The following MIA2 variants were observed in gnomAD, a reference collection of about 807,000 sequenced individuals.
The protein encoded by MIA2 is MIA SH3 domain ER export factor 2.
A neutral mutation model predicts 167.8 loss-of-function variants in MIA2; 127 were observed. The ratio of observed to expected loss-of-function variants is 0.76; its 90% CI spans 0.66 to 0.88. MIA2 has a LOEUF of 0.88. MIA2 is among the 40% of genes least tolerant of loss of function. MIA2 has a pLI of 0.00. For synonymous variants in MIA2, 552 were observed against 541.9 expected (o/e 1.02, Z -0.26); for missense variants, 1,690 against 1,624.7 (o/e 1.04, Z -0.69).
chr14:39,386,415 C>T, intron 23 of MIA2: 1 of 1,558,458 alleles, frequency 6.4e-7, no homozygotes, highest in Non-Finnish European at 8.8e-7. Context: ...TTGGCTTTAA[C>T]AAGGCTGTTT....
intron 17 of MIA2, among the ~76,000 whole-genome samples, chr14:39,305,989 A>T (rs2063283506): frequency 6.6e-6 from 1 of 151,630 alleles, no homozygotes. Context: ...GTTGGGTTGT[A>T]GTTTTCTTGT....
chr14:39,379,849 CAAAAA>C (rs917989771), intron 23 of MIA2, among the ~76,000 whole-genome samples: 1 of 150,894 alleles, frequency 6.6e-6, no homozygotes, highest in Non-Finnish European at 1.5e-5. Context: ...GACTATGTCT[CAAAAA>C]AAACCCAAAA....
At chr14:39,262,761 T>G (rs2055185566) in intron 6 of MIA2, among the ~76,000 whole-genome samples, 1 of 152,216 alleles carries the variant, frequency 6.6e-6, no homozygotes, top group African/African-American at 2.4e-5. Flanking sequence ...CTAGGTATTT[T>G]ATTCTCTTTG....
At chr14:39,368,005 C>A (rs1321055512) in intron 23 of MIA2, among the ~76,000 whole-genome samples, 1 of 152,046 alleles carries the variant, frequency 6.6e-6, no homozygotes, top group Non-Finnish European at 1.5e-5. Flanking sequence ...TTGTTGGTAA[C>A]CTGATTTTTT....
At chr14:39,292,034 A>G in intron 10 of MIA2, among the ~76,000 whole-genome samples, 1 of 152,318 alleles carries the variant, frequency 6.6e-6, no homozygotes, top group East Asian at 1.9e-4. Flanking sequence ...TATGATTCAG[A>G]ATTTTCTAGT....
intron 6 of MIA2, among the ~76,000 whole-genome samples, chr14:39,262,301 G>C (rs1363250723): frequency 6.6e-6 from 1 of 152,114 alleles, no homozygotes; most frequent in African/African-American, 2.4e-5. Context: ...GTTTTTGTCA[G>C]GTTTGTCAAA....
intron 9 of MIA2, among the ~76,000 whole-genome samples, chr14:39,289,371 C>T (rs1171463954): frequency 2.0e-5 from 3 of 151,932 alleles, no homozygotes; most frequent in African/African-American, 2.4e-5. Context: ...CACGTCACCA[C>T]GCTCGGCTAA....
chr14:39,351,899 G>A (rs566426536), downstream of MIA2, among the ~76,000 whole-genome samples: 65 of 152,194 alleles, frequency 4.3e-4, no homozygotes, highest in Admixed American at 4.6e-4. Context: ...GAGCCACCGC[G>A]CCTGGCCAGT....
At chr14:39,316,377 G>T (rs941078885) in intron 21 of MIA2, among the ~76,000 whole-genome samples, 2 of 152,178 alleles carry the variant, frequency 1.3e-5, no homozygotes, top group Non-Finnish European at 2.9e-5. Flanking sequence ...AATACATGGA[G>T]TTTGGAATTA....
intron 6 of MIA2, among the ~76,000 whole-genome samples, chr14:39,257,830 C>T (rs1325945448): frequency 6.6e-6 from 1 of 152,146 alleles, no homozygotes; most frequent in Non-Finnish European, 1.5e-5. Context: ...CTTTATTTCT[C>T]CTTCACTTTT....
At chr14:39,267,303 G>A in intron 6 of MIA2, 1 of 1,476,954 alleles carries the variant, frequency 6.8e-7, no homozygotes, top group African/African-American at 1.4e-5. Flanking sequence ...GGGTGCCCCT[G>A]TCCCCCAGCT....
intron 10 of MIA2, among the ~76,000 whole-genome samples, chr14:39,291,742 T>TC (rs1284577669): frequency 1.3e-5 from 2 of 152,184 alleles, no homozygotes; most frequent in African/African-American, 4.8e-5. Flanking sequence ...AAGTAGGCTT[T>TC]CCTGAGCCAA....
At chr14:39,240,030 T>C (rs1014122846) in intron 2 of MIA2, among the ~76,000 whole-genome samples, 2 of 152,210 alleles carry the variant, frequency 1.3e-5, no homozygotes, top group Non-Finnish European at 2.9e-5. Context: ...AGGATCTCTG[T>C]TATCAAGGCA....
At chr14:39,251,393 A>G (rs958549573) in intron 4 of MIA2, among the ~76,000 whole-genome samples, 2 of 141,806 alleles carry the variant, frequency 1.4e-5, no homozygotes, top group South Asian at 4.1e-4. Flanking sequence ...ATAAAAGCAT[A>G]TCTGTATTTA....
intron 1 of MIA2, among the ~76,000 whole-genome samples, chr14:39,236,485 C>T (rs1186325812): frequency 6.6e-6 from 1 of 152,110 alleles, no homozygotes; most frequent in Non-Finnish European, 1.5e-5. Context: ...AATTATTTAC[C>T]TCATAGATCT....
At chr14:39,373,008 A>G (rs2074977483) in intron 23 of MIA2, among the ~76,000 whole-genome samples, 1 of 152,202 alleles carries the variant, frequency 6.6e-6, no homozygotes, top group African/African-American at 2.4e-5. Flanking sequence ...AATTTACCCC[A>G]AGACAGAAGA....
intron 13 of MIA2, among the ~76,000 whole-genome samples, chr14:39,295,505 T>C (rs567516561): frequency 2.6e-5 from 4 of 152,296 alleles, no homozygotes; most frequent in African/African-American, 9.6e-5. Context: ...AGTGATTAAA[T>C]TATTATAATT....
chr14:39,234,244 C>A lies in MIA2; in HGVS notation c.115+15C>A, dbSNP rs2152586537. The A allele has an allele frequency of 1.3e-6, 2 of 1,512,152 alleles. No homozygotes were observed. Among genetic ancestry groups the A allele is most frequent in the East Asian group, 2.3e-5 (1 of 43,468 alleles). The allele number at this position is 1,512,152 out of a possible 1,614,324, so 93.7% of individuals were successfully genotyped here. A position where few individuals can be genotyped will look rare whatever the true frequency, so the allele number is the denominator to read the frequency against. On this transcript the variant is annotated intron_variant, in intron 1 of 28. Coordinates refer to ENST00000640607, the MANE Select transcript of MIA2 (RefSeq NM_001329214.4). ...GGAATGTGAAGGTAAGTTTGCTTCC[C>A]CCGCTTCTTCTCCTCCTAAATTGAG...
rs3065036 is a variant in MIA2 at position 39,269,074 on chromosome 14, G to GTTTTTTTTTTTTTTTTTTTTTTTT, written c.1888-7858_1888-7835dup. On this transcript the variant is annotated intron_variant, in intron 6 of 28. Coordinates refer to ENST00000640607, the MANE Select transcript of MIA2 (RefSeq NM_001329214.4). ...GGTGCGTTGTATCTTCACCTGCACAGTTTTTTTTTTTTTTTTTTTTTTTTT... is the reference window on the plus strand; with the variant it reads ...GGTGCGTTGTATCTTCACCTGCACAGTTTTTTTTTTTTTTTTTTTTTTTTTTTTTTTTTTTTTTTTTTTTTTTTT... The GTTTTTTTTTTTTTTTTTTTTTTTT allele has an allele frequency of 8.0e-6, 4 of 502,174 alleles. No homozygotes were observed. In the African/African-American group the frequency reaches 9.2e-5, roughly 12 times the overall value. The allele number at this position is 502,174 out of a possible 1,614,324, so 31.1% of individuals were successfully genotyped here.
Sources: allele counts gnomAD v4.1 joint callset (sites outside exome capture counted in the v4.1 genomes callset), GRCh38; gene constraint gnomAD v4.1.1; transcripts MANE v1.5; gene names NCBI Gene and HGNC (gene_info 2026-07-23, HGNC 2026-07-21).